The following UBR3 variants were observed in gnomAD, a reference collection of about 807,000 sequenced individuals.
UBR3 encodes the protein ubiquitin protein ligase E3 component n-recognin 3.
Under a neutral mutation model 243.2 loss-of-function variants are expected in UBR3, and 85 were observed. The ratio of observed to expected loss-of-function variants is 0.35; its 90% CI spans 0.29 to 0.42. UBR3 has a LOEUF of 0.42. Among genes scored for constraint, UBR3 ranks in the 10% least tolerant of loss-of-function variants. UBR3 has a pLI of 1.00. For missense variants in UBR3, 1,686 were observed against 2,300.8 expected, an observed-to-expected ratio of 0.73 and a Z score of 5.47; for synonymous variants, 748 against 799.8, an observed-to-expected ratio of 0.94 and a Z score of 1.09.
intron 19 of UBR3, among the ~76,000 whole-genome samples, 164 bp downstream of exon 19, chr2:169,933,172 G>A (rs991092572): frequency 1.3e-5 from 2 of 152,222 alleles, no homozygotes; most frequent in African/African-American, 4.8e-5. Flanking sequence ...GGAGATTTAT[G>A]TTAAGATCTT....
At chr2:169,891,033 AATAC>A (rs890525517) in intron 5 of UBR3, 128 bp from the exon 6 acceptor site, 16 of 501,814 alleles carry the variant, frequency 3.2e-5, no homozygotes, top group Non-Finnish European at 5.1e-5. Flanking sequence ...TATTATAGCA[AATAC>A]ATAGATGTTG....
At chr2:169,998,076 G>C (rs997186969) in intron 26 of UBR3, among the ~76,000 whole-genome samples, 2 of 152,116 alleles carry the variant, frequency 1.3e-5, no homozygotes, top group African/African-American at 4.8e-5. Context: ...AATTAGACCT[G>C]GCCCTGTCTG....
At chr2:170,045,646 G>A (rs79726864) in intron 32 of UBR3, among the ~76,000 whole-genome samples, 6,575 of 152,116 alleles carry the variant, frequency 0.043, 215 homozygotes, top group East Asian at 0.1. Context: ...TATAAACCAA[G>A]GGCTTAAAAA....
intron 1 of UBR3, among the ~76,000 whole-genome samples, chr2:169,866,034 C>G (rs1248160694): frequency 6.6e-6 from 1 of 151,454 alleles, no homozygotes; most frequent in East Asian, 2.0e-4. Flanking sequence ...GCCTGTAATC[C>G]CAGCTACTCG....
At chr2:169,845,516 G>GTCA (rs1230328334) in intron 1 of UBR3, among the ~76,000 whole-genome samples, 1 of 145,720 alleles carries the variant, frequency 6.9e-6, no homozygotes, top group Non-Finnish European at 1.5e-5. Context: ...CGTCGTCGTC[G>GTCA]TCGTCGTCGT....
chr2:170,019,263 C>T (rs1278936231), intron 30 of UBR3, among the ~76,000 whole-genome samples: 3 of 152,180 alleles, frequency 2.0e-5, no homozygotes, highest in Non-Finnish European at 4.4e-5. Flanking sequence ...AGAAATTATG[C>T]ATAGTCACTG....
At chr2:169,905,925 C>A in intron 9 of UBR3, 106 bp from the exon 10 acceptor site, 1 of 1,220,692 alleles carries the variant, frequency 8.2e-7, no homozygotes, top group Non-Finnish European at 1.1e-6. Flanking sequence ...GTCAGTAATG[C>A]TATTTGTGTG....
chr2:169,843,447 C>T (rs2082365043), intron 1 of UBR3, among the ~76,000 whole-genome samples: 1 of 152,144 alleles, frequency 6.6e-6, no homozygotes, highest in Non-Finnish European at 1.5e-5. Flanking sequence ...GGCACTAATC[C>T]ATCTGAGAGG....
intron 24 of UBR3, among the ~76,000 whole-genome samples, chr2:169,975,516 GTT>G (rs1559149783): frequency 2.6e-5 from 4 of 152,182 alleles, no homozygotes; most frequent in African/African-American, 9.7e-5. Flanking sequence ...TTGATTTTCT[GTT>G]TAGATGATTT....
chr2:170,057,464 C>T (rs554581403), intron 33 of UBR3, among the ~76,000 whole-genome samples: 14 of 152,240 alleles, frequency 9.2e-5, no homozygotes, highest in Admixed American at 7.2e-4. Context: ...GCAATGTAAT[C>T]TGATATTTGG....
At chr2:169,828,370 A>G (rs2081815154) in intron 1 of UBR3, among the ~76,000 whole-genome samples, 1 of 151,942 alleles carries the variant, frequency 6.6e-6, no homozygotes, top group Non-Finnish European at 1.5e-5. Context: ...TTTTTGGGGA[A>G]GCTCGTGTCG....
intron 17 of UBR3, among the ~76,000 whole-genome samples, 167 bp from the exon 18 acceptor site, chr2:169,928,558 AAC>A (rs769361045): frequency 7.2e-5 from 11 of 152,180 alleles, no homozygotes; most frequent in Admixed American, 1.3e-4. Context: ...CACAATTAAA[AAC>A]AGTTATTATT....
intron 20 of UBR3, among the ~76,000 whole-genome samples, chr2:169,945,355 C>T (rs1158882451): frequency 6.6e-6 from 1 of 152,066 alleles, no homozygotes; most frequent in African/African-American, 2.4e-5. Flanking sequence ...ATATAGAAGC[C>T]CTCTGAATAG....
intron 20 of UBR3, among the ~76,000 whole-genome samples, chr2:169,945,138 CTTTTAGTTTTTTTTT>C (rs2086738384): frequency 6.6e-6 from 1 of 150,828 alleles, no homozygotes; most frequent in Non-Finnish European, 1.5e-5. Context: ...ATTTTTCTTT[CTTTTAGTTTTTTTTT>C]TTTTGGTTGG....
intron 1 of UBR3, among the ~76,000 whole-genome samples, chr2:169,864,536 G>T (rs7567688): frequency 0.057 from 8,680 of 152,120 alleles, 459 homozygotes; most frequent in African/African-American, 0.14. Flanking sequence ...GGCCGATGCA[G>T]GCAGATCACT....
intron 25 of UBR3, among the ~76,000 whole-genome samples, chr2:169,990,948 T>C (rs1007235513): frequency 6.6e-6 from 1 of 152,102 alleles, no homozygotes; most frequent in Non-Finnish European, 1.5e-5. Flanking sequence ...AGAATGAATT[T>C]TTAAAAATGT....
intron 2 of UBR3, among the ~76,000 whole-genome samples, chr2:169,872,836 T>A (rs1025340548): frequency 6.6e-6 from 1 of 152,058 alleles, no homozygotes; most frequent in Non-Finnish European, 1.5e-5. Context: ...GTCAAATTGC[T>A]GACTTCCAGA....
chr2:170,056,602 C>A (rs538322985), intron 33 of UBR3, among the ~76,000 whole-genome samples: 2 of 152,244 alleles, frequency 1.3e-5, no homozygotes, highest in South Asian at 2.1e-4. Context: ...GTAAATTGAA[C>A]CTTTTGATTG....
chr2:169,964,485 C>T (rs1313929675), intron 24 of UBR3: 1 of 467,384 alleles, frequency 2.1e-6, no homozygotes, highest in Admixed American at 2.4e-5. Flanking sequence ...AGAATGGTCA[C>T]CTTATCCTCT....
Sources: gnomAD v4.1 joint callset for allele counts (sites outside exome capture counted in the v4.1 genomes callset) on GRCh38, gnomAD v4.1.1 for gene constraint, MANE v1.5 for transcripts, NCBI Gene and HGNC (gene_info 2026-07-23, HGNC 2026-07-21) for gene names.